Variants in PNISR observed in about 807,000 individuals in gnomAD.
PNISR encodes the protein arginine/serine-rich protein PNISR.
Under a neutral mutation model 93.4 loss-of-function variants are expected in PNISR, and 20 were observed. The ratio of observed to expected loss-of-function variants is 0.21; its 90% CI spans 0.15 to 0.31. The LOEUF is 0.31. Ranked by LOEUF, PNISR falls within the 10% of genes least tolerant of loss-of-function variation. PNISR has a pLI of 1.00. For synonymous variants in PNISR, 305 were observed against 306.5 expected (o/e 0.99, Z 0.05); for missense variants, 893 against 985.4 (o/e 0.91, Z 1.25).
intron 1 of PNISR, among the ~76,000 whole-genome samples, chr6:99,423,349 C>T (rs1337303072): frequency 6.6e-6 from 1 of 152,076 alleles, no homozygotes; most frequent in Non-Finnish European, 1.5e-5. Context: ...CACAAATCTC[C>T]CACAGAGAAT....
Position 99,403,840 on chromosome 6 carries a change from A to T in PNISR, c.1145T>A (p.Leu382His), listed in dbSNP as rs1400703938. ...QLAQSSALASLTGLGGLGGYG... is the reference protein window; with the variant it reads ...QLAQSSALASHTGLGGLGGYG... ...TGGAAAACACTTACCGAGTCCAGTG[A>T]GGGAAGCCAGTGCACTGGACTGTGC... The change falls in exon 10 of 12, where the codon CTC (leucine) becomes CAC (histidine). Residue 382 changes from leucine to histidine, a missense_variant. Leu to His is a moderately conservative substitution (Grantham distance 99). Coordinates refer to ENST00000369239, the MANE Select transcript of PNISR (RefSeq NM_032870.4). The T allele has an allele frequency of 6.2e-7, 1 of 1,612,880 alleles. No homozygotes were observed.
rs1421685536 is a variant in PNISR at position 99,400,563 on chromosome 6, T to C, written c.2395A>G (p.Lys799Glu). 1.2e-6 allele frequency: 2 copies of C among 1,613,794 alleles called. No homozygotes were observed. The highest frequency in any genetic ancestry group is 1.7e-5 in the Admixed American group (1 of 59,948). Reference sequence around the variant, plus strand: ...TACTACCTTGATCGGGACTTAGACTTGTGTTTGCGGCTTGCCTTCTTACCA... The same window carrying C: ...TACTACCTTGATCGGGACTTAGACTCGTGTTTGCGGCTTGCCTTCTTACCA... The part of the protein sequence containing the change: ...RSGKKASRKH[K>E]SKSRSR Residue 799 changes from lysine (K) to glutamate (E), a missense_variant, in exon 12 of 12, where the codon AAG becomes GAG. Lys to Glu is a moderately conservative substitution (Grantham distance 56, BLOSUM62 1). This residue lies in a region of PNISR where 866 missense variants were observed against 935.1 expected (regional missense o/e 0.93). Coordinates refer to ENST00000369239, the MANE Select transcript of PNISR (RefSeq NM_032870.4).
At chr6:99,412,972 C>T (rs1457955214) in intron 3 of PNISR, among the ~76,000 whole-genome samples, 1 of 147,620 alleles carries the variant, frequency 6.8e-6, no homozygotes, top group African/African-American at 2.4e-5. Flanking sequence ...ATAATATAAA[C>T]TACTTACACT....
intron 3 of PNISR, 41 bp downstream of exon 3, chr6:99,414,531 A>G: frequency 1.9e-6 from 2 of 1,043,110 alleles, no homozygotes; most frequent in South Asian, 2.6e-5. Flanking sequence ...CCATTTCCAC[A>G]TATCCAACCC....
At chr6:99,412,091 T>TG (rs1777012748) in intron 4 of PNISR, 4 of 314,652 alleles carry the variant, frequency 1.3e-5, no homozygotes, top group South Asian at 5.4e-5. Context: ...CTTCACTATC[T>TG]GAAAAAAAAA....
intron 9 of PNISR, 118 bp downstream of exon 9, chr6:99,404,485 T>C (rs1775888287): frequency 1.4e-6 from 1 of 720,068 alleles, no homozygotes; most frequent in Admixed American, 2.0e-5. Context: ...AGTTAAAACA[T>C]GCAAGAGAAT....
chr6:99,400,851 T>G lies in PNISR; in HGVS notation c.2107A>C (p.Lys703Gln), dbSNP rs760335497. The change falls in exon 12 of 12, where the codon AAG becomes CAG. Residue 703 changes from lysine (K) to glutamine (Q), a missense_variant. Physicochemically the swap from Lys to Gln is moderately conservative, Grantham distance 53. This residue lies in a region of PNISR where 866 missense variants were observed against 935.1 expected (regional missense o/e 0.93). Coordinates refer to ENST00000369239, the MANE Select transcript of PNISR (RefSeq NM_032870.4). ...EKQKREEKDF[K>Q]FSSQDDRLKR... ...AATCTATCATCCTGACTACTGAACT[T>G]AAAATCTTTTTCTTCCCTTTTTTGT... 6.2e-7 allele frequency: 1 copy of G among 1,604,418 alleles called. No homozygotes were observed. Among genetic ancestry groups the G allele is most frequent in the Admixed American group, 1.7e-5 (1 of 58,574 alleles).
At chr6:99,407,570 T>C (rs925861494) in intron 7 of PNISR, among the ~76,000 whole-genome samples, 4 of 152,212 alleles carry the variant, frequency 2.6e-5, no homozygotes, top group African/African-American at 9.6e-5. Flanking sequence ...ATTTCCTGAG[T>C]TGCATACTGG....
intron 4 of PNISR, chr6:99,412,161 C>T: frequency 2.3e-6 from 1 of 428,660 alleles, no homozygotes; most frequent in South Asian, 1.7e-5. Context: ...ACTAATTTGT[C>T]ACACAGTGAC....
At chr6:99,415,365 A>C (rs984111187) in intron 2 of PNISR, 1 of 152,196 alleles carries the variant, frequency 6.6e-6, no homozygotes, top group African/African-American at 2.4e-5. Context: ...GAAATGAGAT[A>C]AACGGTATTA....
chr6:99,418,878 G>A (rs1297741147), intron 1 of PNISR, among the ~76,000 whole-genome samples: 1 of 152,138 alleles, frequency 6.6e-6, no homozygotes, highest in African/African-American at 2.4e-5. Context: ...GCTGGGCACG[G>A]TGGCTCACGC....
chr6:99,405,454 G>A (rs773741646), intron 8 of PNISR, among the ~76,000 whole-genome samples: 1 of 152,078 alleles, frequency 6.6e-6, no homozygotes, highest in Admixed American at 6.5e-5. Context: ...GCAACAGAGC[G>A]AGACTCCATC....
chr6:99,410,963 T>C lies in PNISR; in HGVS notation c.279A>G (p.Glu93=). 6.2e-7 allele frequency: 1 copy of C among 1,608,362 alleles called. No homozygotes were observed. Among genetic ancestry groups the C allele is most frequent in the Non-Finnish European group, 8.5e-7 (1 of 1,174,938 alleles). ...GTGGGGGTTGCTGATGCATTCCCCA[T>C]TCTATTTAAGATTTAGGCATAAAAA... is the stretch of plus-strand genomic sequence containing the variant. ...DSNFNRMWQP[E]WGMHQQPPHP... is the part of the protein sequence containing the mutation. Residue 93 remains glutamate, a splice_region_variant and synonymous_variant, in exon 5 of 12, where the codon GAA becomes GAG. Transcript: ENST00000369239.
chr6:99,425,276 G>A lies in PNISR; in HGVS notation c.-173C>T, dbSNP rs1279376509. ...CCGGTAACACCTCTCCAACGCTTTC[G>A]ATGCTTCTACTTCTTCGGGAACAAG... On this transcript the variant is annotated 5_prime_UTR_variant, in exon 1 of 12. Transcript: ENST00000369239. 5.7e-6 allele frequency: 7 copies of A among 1,231,998 alleles called. 1 individual carries two copies. The South Asian group carries it at 2.5e-4, about 43-fold the overall frequency. The allele number at this position is 1,231,998 out of a possible 1,614,324, so 76.3% of individuals were successfully genotyped here. A position where few individuals can be genotyped will look rare whatever the true frequency, so the allele number is the denominator to read the frequency against.
intron 2 of PNISR, 44 bp from the exon 3 acceptor site, chr6:99,414,734 T>A: frequency 1.2e-6 from 1 of 839,758 alleles, no homozygotes; most frequent in Non-Finnish European, 1.9e-6. Context: ...GTGAGTTATT[T>A]AATCTTAAAA....
Position 99,406,046 on chromosome 6 carries a change from C to T in PNISR, c.987G>A (p.Glu329=). Residue 329 remains glutamate, a synonymous_variant, in exon 8 of 12, where the codon GAG becomes GAA. Coordinates refer to ENST00000369239, the MANE Select transcript of PNISR (RefSeq NM_032870.4). The part of the protein sequence containing the change: ...EHSDPEMTEE[E]KEYQMMLLTK... The stretch of plus-strand genomic sequence containing the variant: ...AACATTCTACCATTTGATACTCTTT[C>T]TCCTCTTCAGTCATCTCAGGGTCAC... The T allele has an allele frequency of 6.2e-7, 1 of 1,608,802 alleles. No individual in the cohort carries two copies. The highest frequency in any genetic ancestry group is 1.1e-5 in the South Asian group (1 of 90,292).
chr6:99,401,259 T>C lies in PNISR; in HGVS notation c.1699A>G (p.Lys567Glu), dbSNP rs1254996940. The stretch of plus-strand genomic sequence containing the variant: ...CTTCTACTCCTGCTACGTCTAGCTT[T>C]GATTGTTGGAGATCTACTCCTACTG... ...RHSRSRSPTIKARRSRSRSYS... is the reference protein window; with the variant it reads ...RHSRSRSPTIEARRSRSRSYS... The change falls in exon 12 of 12, where the codon AAA becomes GAA. Residue 567 changes from lysine (K) to glutamate (E), a missense_variant. Coordinates refer to ENST00000369239, the MANE Select transcript of PNISR (RefSeq NM_032870.4). 6.2e-7 allele frequency: 1 copy of C among 1,613,580 alleles called. No individual in the cohort carries two copies. The highest frequency in any genetic ancestry group is 2.2e-5 in the East Asian group (1 of 44,846).
At chr6:99,415,177 T>C (rs1777516140) in intron 2 of PNISR, 3 of 152,166 alleles carry the variant, frequency 2.0e-5, no homozygotes, top group Admixed American at 2.0e-4. Flanking sequence ...CAGGAAACCT[T>C]ACAAGAAAAG....
chr6:99,417,946 C>T (rs1329577107), intron 1 of PNISR, among the ~76,000 whole-genome samples: 11 of 122,460 alleles, frequency 9.0e-5, no homozygotes, highest in South Asian at 5.5e-4. Flanking sequence ...CTAGCCTGGG[C>T]GACAAGAGCG....
Sources: gnomAD v4.1 joint callset for allele counts (sites outside exome capture counted in the v4.1 genomes callset) on GRCh38, gnomAD v4.1.1 for gene constraint, gnomAD v4.1.1 regional missense constraint, MANE v1.5 for transcripts, NCBI Gene and HGNC (gene_info 2026-07-23, HGNC 2026-07-21) for gene names.